Variants in THSD4 observed in about 807,000 individuals in gnomAD.
THSD4 encodes thrombospondin type-1 domain-containing protein 4.
A neutral mutation model predicts 119.0 loss-of-function variants in THSD4; 69 were observed. The ratio of observed to expected loss-of-function variants is 0.58; its 90% CI spans 0.48 to 0.71. The LOEUF is 0.71. THSD4 is among the 30% of genes least tolerant of loss of function. The probability of loss-of-function intolerance (pLI) is 0.00; values close to 1 mark genes in which losing one functional copy is unlikely to be tolerated. For synonymous variants in THSD4, 524 were observed against 540.4 expected (o/e 0.97, Z 0.42); for missense variants, 1,393 against 1,391.1 (o/e 1.00, Z -0.02).
chr15:71,515,457 G>T (rs569770861), intron 7 of THSD4, among the ~76,000 whole-genome samples: 113 of 152,212 alleles, frequency 7.4e-4, no homozygotes, highest in African/African-American at 2.6e-3. Flanking sequence ...AGGGCTGGCC[G>T]CGTCCTTGTC....
chr15:71,611,624 T>C (rs1167102819), intron 7 of THSD4, among the ~76,000 whole-genome samples: 1 of 152,184 alleles, frequency 6.6e-6, no homozygotes, highest in South Asian at 2.1e-4. Context: ...TTGTGTAATA[T>C]GACAGGTGGG....
intron 6 of THSD4, among the ~76,000 whole-genome samples, chr15:71,346,933 G>T (rs1233761245): frequency 7.8e-6 from 1 of 128,490 alleles, no homozygotes; most frequent in Non-Finnish European, 1.5e-5. Context: ...GAGTGCAATG[G>T]TGTGATCTCG....
rs998420993 is a variant in THSD4, at chr15:71,748,483, G to T, written c.2304G>T (p.Gly768=). ...ATGTGAAGTGTGTGAGCAACATTGG[G>T]GATGTGGTTGACGATGAGGAATGCA... The part of the protein sequence containing the change: ...TRDVKCVSNI[G]DVVDDEECNM... The change falls in exon 14 of 18, where the codon GGG becomes GGT. Residue 768 remains glycine, a synonymous_variant. Transcript: ENST00000261862. The T allele has an allele frequency of 1.2e-6, 2 of 1,614,226 alleles. No individual in the cohort carries two copies. Among genetic ancestry groups the T allele is most frequent in the Non-Finnish European group, 1.7e-6 (2 of 1,180,042 alleles).
chr15:71,284,591 A>G (rs1455783310), intron 6 of THSD4, among the ~76,000 whole-genome samples: 1 of 152,212 alleles, frequency 6.6e-6, no homozygotes, highest in Non-Finnish European at 1.5e-5. Context: ...ATTTTGACCC[A>G]TGTAAATAAT....
rs140197737 is a variant in THSD4 at position 71,736,113 on chromosome 15, G to C, written c.1631-1619G>C. On this transcript the variant is annotated intron_variant, in intron 10 of 17. Coordinates refer to ENST00000261862, the MANE Select transcript of THSD4 (RefSeq NM_024817.3). ...TCTCTCTCTTGCTCTCTGTCTCTCT[G>C]TTGCTGTCTCTGTCTCTCTCTTGCT... Among the ~76,000 whole-genome samples the C allele has an allele frequency of 7.2e-3, 665 of 92,924 alleles. 15 individuals are homozygous for C. Among genetic ancestry groups the C allele is most frequent in the African/African-American group, 0.025 (628 of 25,104 alleles). 61.0% of individuals were successfully genotyped at this position (92,924 alleles called of 152,430 possible).
intron 7 of THSD4, among the ~76,000 whole-genome samples, chr15:71,575,331 A>G (rs1287641832): frequency 2.0e-5 from 3 of 152,208 alleles, no homozygotes; most frequent in African/African-American, 7.2e-5. Flanking sequence ...TTAGCTTCAT[A>G]TTATTATTCC....
chr15:71,136,540 C>T (rs2040553235), intron 1 of THSD4, among the ~76,000 whole-genome samples: 2 of 152,160 alleles, frequency 1.3e-5, no homozygotes, highest in South Asian at 4.1e-4. Context: ...GGGTCTGGAG[C>T]TACTTCCTTC....
At chr15:71,717,731 A>G (rs1019248829) in intron 8 of THSD4, among the ~76,000 whole-genome samples, 4 of 152,192 alleles carry the variant, frequency 2.6e-5, no homozygotes, top group Non-Finnish European at 5.9e-5. Flanking sequence ...TGGGGCCATT[A>G]AGTGACTGGC....
intron 8 of THSD4, among the ~76,000 whole-genome samples, chr15:71,727,561 T>C (rs1216243049): frequency 1.6e-4 from 19 of 120,334 alleles, no homozygotes; most frequent in African/African-American, 7.5e-4. Flanking sequence ...AAAATATATA[T>C]ATATATATAT....
At chr15:71,448,647 A>G (rs2047222222) in intron 7 of THSD4, among the ~76,000 whole-genome samples, 1 of 152,226 alleles carries the variant, frequency 6.6e-6, no homozygotes, top group South Asian at 2.1e-4. Flanking sequence ...CAAGCACATC[A>G]TGGAGAATGG....
chr15:71,344,353 T>C (rs1209852653), intron 6 of THSD4, among the ~76,000 whole-genome samples: 3 of 152,182 alleles, frequency 2.0e-5, no homozygotes, highest in African/African-American at 7.2e-5. Context: ...CAGCCAGGAT[T>C]CTTAATAACA....
At chr15:71,339,034 C>G (rs2045527198) in intron 6 of THSD4, among the ~76,000 whole-genome samples, 1 of 152,136 alleles carries the variant, frequency 6.6e-6, no homozygotes, top group Admixed American at 6.6e-5. Context: ...GTGTCTTGCT[C>G]CAGCCACTGG....
intron 17 of THSD4, among the ~76,000 whole-genome samples, chr15:71,774,921 C>T (rs1475833855): frequency 5.9e-5 from 9 of 152,116 alleles, no homozygotes; most frequent in Admixed American, 4.6e-4. Context: ...CCAAGGCAGG[C>T]GGATCATGAG....
intron 6 of THSD4, among the ~76,000 whole-genome samples, chr15:71,374,204 A>C (rs2046099907): frequency 6.6e-6 from 1 of 152,172 alleles, no homozygotes; most frequent in Non-Finnish European, 1.5e-5. Context: ...GAAACTCTCA[A>C]ATGGGGGATG....
At chr15:71,187,022 T>C (rs2141433262) in intron 3 of THSD4, 1 of 152,314 alleles carries the variant, frequency 6.6e-6, no homozygotes, top group South Asian at 2.1e-4. Flanking sequence ...AGAAGTTTTT[T>C]CCATACATAG....
At chr15:71,406,758 C>T (rs1334457904) in intron 6 of THSD4, among the ~76,000 whole-genome samples, 8 of 151,616 alleles carry the variant, frequency 5.3e-5, no homozygotes, top group South Asian at 4.2e-4. Context: ...CGACTCACTG[C>T]AACCTCCGCC....
At chr15:71,135,330 A>T (rs62016787) in intron 1 of THSD4, among the ~76,000 whole-genome samples, 2 of 149,034 alleles carry the variant, frequency 1.3e-5, no homozygotes, top group African/African-American at 5.0e-5. Flanking sequence ...AACCTGCACA[A>T]TGTGCACATG....
intron 14 of THSD4, among the ~76,000 whole-genome samples, chr15:71,751,249 A>G (rs887890826): frequency 6.6e-6 from 1 of 152,200 alleles, no homozygotes; most frequent in Admixed American, 6.5e-5. Context: ...CAGCAAATGG[A>G]TGAAAAGAAT....
At chr15:71,213,337 CTCT>C (rs1423008975) in intron 3 of THSD4, among the ~76,000 whole-genome samples, 1 of 152,204 alleles carries the variant, frequency 6.6e-6, no homozygotes, top group East Asian at 1.9e-4. Flanking sequence ...CTAGGATGAT[CTCT>C]TCTTGAGATG....
Sources: allele counts gnomAD v4.1 joint callset (sites outside exome capture counted in the v4.1 genomes callset), GRCh38; gene constraint gnomAD v4.1.1; transcripts MANE v1.5; gene names NCBI Gene and HGNC (gene_info 2026-07-23, HGNC 2026-07-21).